HTT: variants seen among roughly 807,000 people sequenced by gnomAD.
The protein encoded by HTT is huntington disease protein.
Under a neutral mutation model 362.3 loss-of-function variants are expected in HTT, and 104 were observed. The ratio of observed to expected loss-of-function variants is 0.29; its 90% CI spans 0.24 to 0.34. HTT has a LOEUF of 0.34. Ranked by LOEUF, HTT falls within the 10% of genes least tolerant of loss-of-function variation. The pLI is 1.00. For synonymous variants in HTT, 1,577 were observed against 1,548.7 expected, an observed-to-expected ratio of 1.02 and a Z score of -0.43; for missense variants, 3,301 against 3,928.6, an observed-to-expected ratio of 0.84 and a Z score of 4.27.
intron 46 of HTT, among the ~76,000 whole-genome samples, chr4:3,209,275 C>T (rs1720021106): frequency 6.6e-6 from 1 of 152,222 alleles, no homozygotes; most frequent in African/African-American, 2.4e-5. Flanking sequence ...CCACTGCCAG[C>T]CATTCTGGTA....
chr4:3,093,905 G>GTTTTTTTTTTTTTTTTTT (rs67455911), intron 2 of HTT, among the ~76,000 whole-genome samples: 4 of 23,900 alleles, frequency 1.7e-4, no homozygotes, highest in African/African-American at 3.0e-4. Context: ...CTTTAAGTTG[G>GTTTTTTTTTTTTTTTTTT]TTTTTTTTTT....
At chr4:3,196,753 A>T (rs1719275293) in intron 40 of HTT, among the ~76,000 whole-genome samples, 2 of 151,806 alleles carry the variant, frequency 1.3e-5, no homozygotes, top group Admixed American at 6.6e-5. Flanking sequence ...AAAAAAAAAA[A>T]TCCATTGCAT....
chr4:3,223,512 G>C lies in HTT; in HGVS notation c.7577G>C (p.Cys2526Ser). The change falls in exon 55 of 67, where the codon TGC becomes TCC. Residue 2526 changes from cysteine (C) to serine (S), a missense_variant. Physicochemically the swap from Cys to Ser is moderately radical, Grantham distance 112. Around this residue, in one of 4 missense-constraint regions of HTT, gnomAD observed 753 missense variants for 1,021.3 expected, o/e 0.74. Coordinates refer to ENST00000355072, the MANE Select transcript of HTT (RefSeq NM_001388492.1). Reference sequence around the variant, plus strand: ...GTGGCCGGCAACCCAGCTGTAAGCTGCTTGGAGCAGCAGCCCCGGAACAAG... The same window carrying C: ...GTGGCCGGCAACCCAGCTGTAAGCTCCTTGGAGCAGCAGCCCCGGAACAAG... ...VPVAGNPAVS[C>S]LEQQPRNKPL... The C allele has an allele frequency of 6.2e-7, 1 of 1,613,870 alleles. No individual in the cohort carries two copies. Among genetic ancestry groups the C allele is most frequent in the Non-Finnish European group, 8.5e-7 (1 of 1,179,884 alleles).
chr4:3,135,506 T>C (rs1416400904), intron 19 of HTT, among the ~76,000 whole-genome samples: 1 of 151,996 alleles, frequency 6.6e-6, no homozygotes, highest in African/African-American at 2.4e-5. Context: ...ATTTAATCCT[T>C]AGAATGTTTA....
chr4:3,162,353 G>T (rs566390847), intron 29 of HTT, among the ~76,000 whole-genome samples: 1 of 152,192 alleles, frequency 6.6e-6, no homozygotes, highest in African/African-American at 2.4e-5. Context: ...AAGTCAGGTA[G>T]TGTGATGCCT....
At position 3,127,246 on chromosome 4, in the gene HTT, G is replaced by C. The variant is rs1235863632; in HGVS notation, c.1403-18G>C. ...TTTTCTCTCGCCATTTGACAAATGA[G>C]TGTTTCTCTGTCTTCAGCCTCAGTG... is the stretch of plus-strand genomic sequence containing the variant. On this transcript the variant is annotated intron_variant, in intron 11 of 66. Coordinates refer to ENST00000355072, the MANE Select transcript of HTT (RefSeq NM_001388492.1). 6.3e-7 allele frequency: 1 copy of C among 1,580,990 alleles called. No individual in the cohort carries two copies. Among genetic ancestry groups the C allele is most frequent in the Non-Finnish European group, 8.7e-7 (1 of 1,150,636 alleles).
chr4:3,137,969 G>C (rs1716148100), intron 21 of HTT, among the ~76,000 whole-genome samples: 1 of 152,202 alleles, frequency 6.6e-6, no homozygotes, highest in Non-Finnish European at 1.5e-5. Context: ...ATTTTGTGTA[G>C]ACATGTCTTC....
At chr4:3,111,685 C>T (rs1040164239) in intron 6 of HTT, among the ~76,000 whole-genome samples, 3 of 152,140 alleles carry the variant, frequency 2.0e-5, no homozygotes, top group African/African-American at 4.8e-5. Flanking sequence ...GTGCATCTCA[C>T]GTCTGTCCTC....
Position 3,105,381 on chromosome 4 carries a change from G to A in HTT, c.553G>A (p.Ala185Thr), listed in dbSNP as rs1714373440. 1 of 1,614,026 alleles carries A rather than the reference G, an allele frequency of 6.2e-7. No homozygotes were observed. Among genetic ancestry groups the A allele is most frequent in the East Asian group, 2.2e-5 (1 of 44,878 alleles). ...KKNGAPRSLRAALWRFAELAH... is the reference protein window; with the variant it reads ...KKNGAPRSLRTALWRFAELAH... ...GAATGGTGCCCCTCGGAGTTTGCGT[G>A]CTGCCCTGTGGAGGTTTGCTGAGCT... The change falls in exon 5 of 67, where the codon GCT (alanine) becomes ACT (threonine). Residue 185 changes from alanine (A) to threonine (T), a missense_variant. Coordinates refer to ENST00000355072, the MANE Select transcript of HTT (RefSeq NM_001388492.1).
intron 22 of HTT, among the ~76,000 whole-genome samples, chr4:3,142,530 T>C (rs1035133242): frequency 6.6e-6 from 1 of 152,052 alleles, no homozygotes; most frequent in African/African-American, 2.4e-5. Context: ...TAGGCAACGC[T>C]GTAAGGGGAG....
rs748805146 is a variant in HTT, at chr4:3,115,453, G to A, written c.889+8G>A. 3.1e-6 allele frequency: 5 copies of A among 1,607,014 alleles called. No individual in the cohort carries two copies. The South Asian group carries it at 4.4e-5, about 14-fold the overall frequency. On this transcript the variant is annotated splice_region_variant and intron_variant, in intron 7 of 66. Coordinates refer to ENST00000355072, the MANE Select transcript of HTT (RefSeq NM_001388492.1). ...TACTAAATGTGCTCTTAGGTAAGGT[G>A]GAGGCATATGAGTGGAAGAGTCTCC...
rs1295246441 is a variant in HTT, at chr4:3,207,320, A to AT, written c.6116dup (p.Gln2040ProfsTer33). The AT allele has an allele frequency of 6.2e-7, 1 of 1,613,936 alleles. No homozygotes were observed. Among genetic ancestry groups the AT allele is most frequent in the African/African-American group, 1.3e-5 (1 of 75,070 alleles). ...GTTGCCAATGGAAGAACTCAACAGA[A>AT]TCCAGGAATACCTTCAGAGCAGCGG... On this transcript the variant is annotated frameshift_variant, in exon 45 of 67. Transcript: ENST00000355072. LOFTEE classifies it high-confidence loss of function.
chr4:3,124,317 T>C (rs1048584984), intron 10 of HTT, among the ~76,000 whole-genome samples: 21 of 152,248 alleles, frequency 1.4e-4, no homozygotes, highest in African/African-American at 5.1e-4. Context: ...TTTATCCTCT[T>C]CTGGCTGGGA....
intron 10 of HTT, chr4:3,123,210 C>CT (rs771069181): frequency 1.2e-5 from 4 of 320,818 alleles, no homozygotes; most frequent in Admixed American, 4.8e-5. Context: ...GGTCAGCAGA[C>CT]TTTTTTTGTA....
intron 29 of HTT, among the ~76,000 whole-genome samples, chr4:3,170,939 T>G (rs570278934): frequency 2.0e-5 from 3 of 152,212 alleles, no homozygotes; most frequent in Non-Finnish European, 4.4e-5. Flanking sequence ...AGCAGAGCCC[T>G]GGTTCCCTGG....
At chr4:3,146,729 A>C in intron 24 of HTT, 68 bp from the exon 25 acceptor site, 4 of 1,430,346 alleles carry the variant, frequency 2.8e-6, no homozygotes, top group Non-Finnish European at 3.9e-6. Context: ...TGGAATTGCA[A>C]GAGAAAGGAA....
intron 50 of HTT, 72 bp from the exon 51 acceptor site, chr4:3,215,038 T>A (rs2110279227): frequency 8.0e-7 from 1 of 1,250,152 alleles, no homozygotes; most frequent in East Asian, 2.4e-5. Context: ...GCTGCACAAA[T>A]GTAAAATGTT....
intron 39 of HTT, chr4:3,188,704 A>G (rs1718881427): frequency 2.7e-6 from 1 of 363,876 alleles, no homozygotes; most frequent in Non-Finnish European, 5.0e-6. Flanking sequence ...GTATTTGTGT[A>G]ATGGTGTACA....
rs775654872 is a variant in HTT, at chr4:3,228,672, T to C, written c.7906T>C (p.Trp2636Arg). The change falls in exon 58 of 67, where the codon TGG becomes CGG. Residue 2636 changes from tryptophan to arginine, a missense_variant. Coordinates refer to ENST00000355072, the MANE Select transcript of HTT (RefSeq NM_001388492.1). The surrounding 1 kb of genome is among the most constrained non-coding windows in gnomAD (Gnocchi z 4.3). The stretch of plus-strand genomic sequence containing the variant: ...CATCACACCCCTGAGGGAGGAGGAA[T>C]GGGACGAGGAAGAGGAGGAGGAGGC... ...NSITPLREEEWDEEEEEEADA... is the reference protein window; with the variant it reads ...NSITPLREEERDEEEEEEADA... 1.2e-6 allele frequency: 2 copies of C among 1,609,856 alleles called. No homozygotes were observed.
Sources: allele counts gnomAD v4.1 joint callset (sites outside exome capture counted in the v4.1 genomes callset), GRCh38; gene constraint gnomAD v4.1.1; regional missense constraint gnomAD v4.1.1; non-coding constraint Gnocchi (gnomAD v3.1); transcripts MANE v1.5; gene names NCBI Gene and HGNC (gene_info 2026-07-23, HGNC 2026-07-21).